SYCP1: variants seen among roughly 807,000 people sequenced by gnomAD.
The protein encoded by SYCP1 is synaptonemal complex protein 1.
SYCP1 carries 64 observed loss-of-function variants against 153.1 expected under a neutral mutation model. The observed-to-expected ratio is 0.42, with a 90% CI of 0.34 to 0.51. The LOEUF (loss-of-function observed/expected upper bound fraction) is 0.51. Among genes scored for constraint, SYCP1 ranks in the 20% least tolerant of loss-of-function variants. SYCP1 has a pLI of 0.06. For synonymous variants in SYCP1, 384 were observed against 341.8 expected (o/e 1.12, Z -1.36); for missense variants, 997 against 1,049.0 (o/e 0.95, Z 0.68).
At chr1:114,938,755 G>T (rs1248367361) in intron 23 of SYCP1, among the ~76,000 whole-genome samples, 5 of 151,914 alleles carry the variant, frequency 3.3e-5, no homozygotes, top group African/African-American at 1.2e-4. Flanking sequence ...ATGGGCAAAG[G>T]ACTTGAATAG....
chr1:114,949,093 G>T (rs982497555), intron 27 of SYCP1, among the ~76,000 whole-genome samples: 6 of 152,142 alleles, frequency 3.9e-5, no homozygotes, highest in Admixed American at 2.6e-4. Context: ...GCTCCCTGAG[G>T]CTCAGCTCCT....
chr1:114,956,056 A>G (rs1290374382), intron 27 of SYCP1, among the ~76,000 whole-genome samples: 12 of 152,172 alleles, frequency 7.9e-5, no homozygotes, highest in Admixed American at 7.9e-4. Context: ...CCCAGCTGAG[A>G]GCTGCTAACA....
rs1379826676 is a variant in SYCP1, at chr1:114,984,721, A to T, written c.2560-4A>T. On this transcript the variant is annotated splice_region_variant and splice_polypyrimidine_tract_variant and intron_variant, in intron 29 of 31. Transcript: ENST00000369522. ...ATAATGTATGGTTTTTTATTTTTGGATAGGCATATACAGTGAAGACACCAA... is the reference window on the plus strand; with the variant it reads ...ATAATGTATGGTTTTTTATTTTTGGTTAGGCATATACAGTGAAGACACCAA... The T allele has an allele frequency of 7.3e-7, 1 of 1,368,150 alleles. No homozygotes were observed. Among genetic ancestry groups the T allele is most frequent in the Non-Finnish European group, 9.5e-7 (1 of 1,054,014 alleles). 84.8% of individuals were successfully genotyped at this position (1,368,150 alleles called of 1,614,324 possible). A position where few individuals can be genotyped will look rare whatever the true frequency, so the allele number is the denominator to read the frequency against.
chr1:114,953,728 T>C (rs975909943), intron 27 of SYCP1, among the ~76,000 whole-genome samples: 1 of 152,206 alleles, frequency 6.6e-6, no homozygotes, highest in Non-Finnish European at 1.5e-5. Context: ...GTAAAATGAT[T>C]CTCCTACTTT....
At chr1:114,960,852 G>A (rs1280252102) in intron 27 of SYCP1, among the ~76,000 whole-genome samples, 1 of 152,004 alleles carries the variant, frequency 6.6e-6, no homozygotes, top group Non-Finnish European at 1.5e-5. Flanking sequence ...TTGGTATTAG[G>A]GTGATACTGG....
At chr1:114,940,837 T>A (rs760106315) in intron 23 of SYCP1, among the ~76,000 whole-genome samples, 1 of 152,222 alleles carries the variant, frequency 6.6e-6, no homozygotes, top group Non-Finnish European at 1.5e-5. Context: ...TGCTTTTTTT[T>A]ATTTGTGTTT....
chr1:114,960,547 T>C (rs1349368338), intron 27 of SYCP1, among the ~76,000 whole-genome samples: 1 of 152,212 alleles, frequency 6.6e-6, no homozygotes, highest in Non-Finnish European at 1.5e-5. Context: ...GGTTCCCTTT[T>C]CTCCACGTCC....
chr1:114,854,455 T>C (rs1207460230), upstream of SYCP1, among the ~76,000 whole-genome samples: 2 of 152,182 alleles, frequency 1.3e-5, no homozygotes, highest in Non-Finnish European at 2.9e-5. Context: ...CTCCATTCAC[T>C]CATTCTTATG....
chr1:114,945,008 A>G, intron 25 of SYCP1, 26 bp downstream of exon 25: 1 of 1,436,544 alleles, frequency 7.0e-7, no homozygotes, highest in South Asian at 1.3e-5. Context: ...TTATATAATG[A>G]AAATTATTAA....
chr1:114,958,340 A>G (rs1326671333), intron 27 of SYCP1, among the ~76,000 whole-genome samples: 2 of 152,256 alleles, frequency 1.3e-5, no homozygotes, highest in Non-Finnish European at 2.9e-5. Context: ...ACAAATATAC[A>G]ATTAGATAAA....
intron 8 of SYCP1, among the ~76,000 whole-genome samples, chr1:114,865,227 T>G (rs997376972): frequency 3.9e-5 from 6 of 152,176 alleles, no homozygotes; most frequent in African/African-American, 1.4e-4. Flanking sequence ...CTGTGATTTT[T>G]TTTTTGCCAT....
chr1:114,963,573 C>G (rs1671915933), intron 27 of SYCP1, among the ~76,000 whole-genome samples: 1 of 151,912 alleles, frequency 6.6e-6, no homozygotes, highest in Non-Finnish European at 1.5e-5. Flanking sequence ...CATCCCTGTG[C>G]CTGTATGTTC....
chr1:114,895,452 G>T lies in SYCP1; in HGVS notation c.1263G>T (p.Glu421Asp). 1 of 1,514,640 alleles carries T rather than the reference G, an allele frequency of 6.6e-7. No individual in the cohort carries two copies. The highest frequency in any genetic ancestry group is 9.0e-7 in the Non-Finnish European group (1 of 1,116,874). 93.8% of individuals were successfully genotyped at this position (1,514,640 alleles called of 1,614,324 possible). A position where few individuals can be genotyped will look rare whatever the true frequency, so the allele number is the denominator to read the frequency against. The change falls in exon 16 of 32, where the codon GAG becomes GAT. Residue 421 changes from glutamate (E) to aspartate (D), a missense_variant. Coordinates refer to ENST00000369522, the MANE Select transcript of SYCP1 (RefSeq NM_003176.4). ...ELQKKSSELE[E>D]MTKLTNNKEV... ...TTTTTTTTTTGCTCATTTTAGAAGA[G>T]ATGACTAAGCTTACAAATAACAAAG...
chr1:114,951,024 C>A (rs1396047316), intron 27 of SYCP1, among the ~76,000 whole-genome samples: 2 of 152,036 alleles, frequency 1.3e-5, no homozygotes, highest in Admixed American at 1.3e-4. Context: ...TGGGGTTTCA[C>A]TGTGTTAGCC....
At chr1:114,863,581 C>A (rs1033923601) in intron 8 of SYCP1, among the ~76,000 whole-genome samples, 3 of 151,984 alleles carry the variant, frequency 2.0e-5, no homozygotes, top group African/African-American at 7.2e-5. Flanking sequence ...TTCTCCACAG[C>A]CTCACCAGCA....
At chr1:114,942,135 G>T (rs1670430038) in intron 23 of SYCP1, among the ~76,000 whole-genome samples, 1 of 151,954 alleles carries the variant, frequency 6.6e-6, no homozygotes, top group South Asian at 2.1e-4. Context: ...ACACATAAAA[G>T]TATTAAAAGT....
intron 30 of SYCP1, among the ~76,000 whole-genome samples, chr1:114,989,788 A>G (rs1366209665): frequency 1.3e-5 from 2 of 151,990 alleles, no homozygotes; most frequent in African/African-American, 4.8e-5. Context: ...AAAAAGTTTA[A>G]TATAGCAAGA....
Position 114,944,895 on chromosome 1 carries a change from T to C in SYCP1, c.2067T>C (p.Ala689=), listed in dbSNP as rs1398063337. Residue 689 remains alanine, a synonymous_variant, in exon 25 of 32, where the codon GCT becomes GCC. Coordinates refer to ENST00000369522, the MANE Select transcript of SYCP1 (RefSeq NM_003176.4). ...AGGTTGAGAAAGCAAAAGTAATAGCTGATGAAGCAGTAAAATTACAGAAAG... is the reference window on the plus strand; with the variant it reads ...AGGTTGAGAAAGCAAAAGTAATAGCCGATGAAGCAGTAAAATTACAGAAAG... ...LEEVEKAKVI[A]DEAVKLQKEI... is the part of the protein sequence containing the mutation. 6.9e-6 allele frequency: 11 copies of C among 1,599,312 alleles called. No individual in the cohort carries two copies. The highest frequency in any genetic ancestry group is 9.4e-6 in the Non-Finnish European group (11 of 1,174,798).
chr1:114,950,939 C>A (rs1671065593), intron 27 of SYCP1, among the ~76,000 whole-genome samples: 1 of 151,948 alleles, frequency 6.6e-6, no homozygotes, highest in Non-Finnish European at 1.5e-5. Context: ...ATTCTCCTGC[C>A]TCAGCCTCCC....
Sources: gnomAD v4.1 joint callset for allele counts (sites outside exome capture counted in the v4.1 genomes callset) on GRCh38, gnomAD v4.1.1 for gene constraint, MANE v1.5 for transcripts, NCBI Gene and HGNC (gene_info 2026-07-23, HGNC 2026-07-21) for gene names.